The following KCNN2 variants were observed in gnomAD, a reference collection of about 807,000 sequenced individuals.
KCNN2 encodes potassium calcium-activated channel subfamily N member 2, also known as small conductance calcium-activated potassium channel protein 2.
Under a neutral mutation model 55.5 loss-of-function variants are expected in KCNN2, and 24 were observed. The ratio of observed to expected loss-of-function variants is 0.43; its 90% CI spans 0.31 to 0.61. KCNN2 has a LOEUF of 0.61. Among genes scored for constraint, KCNN2 ranks in the 20% least tolerant of loss-of-function variants. The pLI is 0.08. For missense variants in KCNN2, 754 were observed against 853.6 expected (o/e 0.88, Z 1.45); for synonymous variants, 431 against 336.1 (o/e 1.28, Z -3.09).
intron 2 of KCNN2, among the ~76,000 whole-genome samples, chr5:114,227,308 T>C (rs1372464117): frequency 6.6e-6 from 1 of 152,174 alleles, no homozygotes; most frequent in African/African-American, 2.4e-5. Flanking sequence ...CTACTAAAAA[T>C]ATAACCTGTC....
Position 114,281,904 on chromosome 5 carries a change from G to A in KCNN2, c.-185+60339G>A, listed in dbSNP as rs188651050. Among the ~76,000 whole-genome samples the A allele has an allele frequency of 7.9e-5, 12 of 151,398 alleles. No homozygotes were observed. In the East Asian group the frequency reaches 1.9e-3, roughly 25 times the overall value. On this transcript the variant is annotated intron_variant, in intron 2 of 10. Transcript: ENST00000512097. ...GTCTATTAATATTTCATATTTCTTTGTAAATACTTAAATTTAAATATTTTT... is the reference window on the plus strand; with the variant it reads ...GTCTATTAATATTTCATATTTCTTTATAAATACTTAAATTTAAATATTTTT...
intron 2 of KCNN2, among the ~76,000 whole-genome samples, chr5:114,290,008 C>T (rs1273114597): frequency 6.6e-6 from 1 of 152,070 alleles, no homozygotes; most frequent in Admixed American, 6.6e-5. Flanking sequence ...GTGTTTTGCT[C>T]TTGTACCCTG....
At chr5:114,149,019 T>G (rs1232635936) in intron 1 of KCNN2, among the ~76,000 whole-genome samples, 1 of 152,108 alleles carries the variant, frequency 6.6e-6, no homozygotes, top group Non-Finnish European at 1.5e-5. Context: ...TGGTGCCAAC[T>G]CTATCCCAGT....
At chr5:114,178,202 A>G (rs1247097234) in intron 1 of KCNN2, among the ~76,000 whole-genome samples, 1 of 152,192 alleles carries the variant, frequency 6.6e-6, no homozygotes, top group Non-Finnish European at 1.5e-5. Flanking sequence ...TTCCCACTGC[A>G]TGTGTATTCT....
intron 1 of KCNN2, among the ~76,000 whole-genome samples, chr5:114,206,693 C>T (rs1392983162): frequency 6.6e-6 from 1 of 152,052 alleles, no homozygotes; most frequent in Non-Finnish European, 1.5e-5. Flanking sequence ...TCATCATCCA[C>T]ACAGTCAGAG....
Position 114,376,208 on chromosome 5 carries a change from A to G in KCNN2, c.1218+12207A>G, listed in dbSNP as rs577361993. Among the ~76,000 whole-genome samples, 12 of 152,182 alleles carry G rather than the reference A, an allele frequency of 7.9e-5. No homozygotes were observed. In the South Asian group the frequency reaches 1.7e-3, roughly 21 times the overall value. Reference sequence around the variant, plus strand: ...TTGCTTCAGTGGCAGCTATTTAGGAATAATGTATCCATCAAATGTGTCTTA... The same window carrying G: ...TTGCTTCAGTGGCAGCTATTTAGGAGTAATGTATCCATCAAATGTGTCTTA... On this transcript the variant is annotated intron_variant, in intron 2 of 7. Coordinates refer to ENST00000673685, the MANE Select transcript of KCNN2 (RefSeq NM_021614.4).
rs1752098886 is a variant in KCNN2 at position 114,132,893 on chromosome 5, A to C, written c.-271+76393A>C. Among the ~76,000 whole-genome samples, 3 of 152,220 alleles carry C rather than the reference A, an allele frequency of 2.0e-5. No individual in the cohort carries two copies. The South Asian group carries it at 6.2e-4, about 32-fold the overall frequency. ...AACTGCAGAAGGTCAGACTTAGTTA[A>C]TTTATGATCAAACTATTGTAAAAGA... On this transcript the variant is annotated intron_variant, in intron 1 of 10. Transcript: ENST00000512097.
intron 3 of KCNN2, among the ~76,000 whole-genome samples, chr5:114,459,149 T>C (rs890091865): frequency 2.6e-5 from 4 of 152,240 alleles, no homozygotes; most frequent in African/African-American, 9.6e-5. Context: ...AGGAACAGTT[T>C]GCTTCTTTTA....
intron 3 of KCNN2, among the ~76,000 whole-genome samples, chr5:114,406,142 C>A: frequency 6.6e-6 from 1 of 151,010 alleles, no homozygotes; most frequent in East Asian, 1.9e-4. Flanking sequence ...GACCACCCCC[C>A]AGCCCATTCC....
At chr5:114,432,730 G>C (rs1171948257) in intron 3 of KCNN2, among the ~76,000 whole-genome samples, 2 of 152,214 alleles carry the variant, frequency 1.3e-5, no homozygotes, top group African/African-American at 2.4e-5. Context: ...TTGTGGGCCA[G>C]CTGGAGTTCC....
chr5:114,301,835 T>G (rs1452832917), intron 2 of KCNN2, among the ~76,000 whole-genome samples: 1 of 152,202 alleles, frequency 6.6e-6, no homozygotes, highest in African/African-American at 2.4e-5. Flanking sequence ...CATTTGCTTA[T>G]TTGACTAAAG....
At chr5:114,376,174 G>A (rs1757934507) in intron 2 of KCNN2, among the ~76,000 whole-genome samples, 2 of 151,954 alleles carry the variant, frequency 1.3e-5, no homozygotes, top group South Asian at 2.1e-4. Context: ...CTGATGCTGT[G>A]TGTACAGATT....
chr5:114,226,917 A>G (rs988148338), intron 2 of KCNN2, among the ~76,000 whole-genome samples: 3 of 151,910 alleles, frequency 2.0e-5, no homozygotes, highest in African/African-American at 7.3e-5. Context: ...AAAAAAAAAA[A>G]AAAAGAAATA....
At position 114,493,452 on chromosome 5, in the gene KCNN2, A is replaced by C; in HGVS notation, c.2068A>C (p.Thr690Pro). 1 of 1,610,658 alleles carries C rather than the reference A, an allele frequency of 6.2e-7. No individual in the cohort carries two copies. Among genetic ancestry groups the C allele is most frequent in the Non-Finnish European group, 8.5e-7 (1 of 1,176,962 alleles). ...EQRKLNDQAN[T>P]LVDLAKTQNI... ...GAGGAAACTGAATGACCAAGCAAACACTTTGGTGGACTTGGCAAAGGTAAG... is the reference window on the plus strand; with the variant it reads ...GAGGAAACTGAATGACCAAGCAAACCCTTTGGTGGACTTGGCAAAGGTAAG... Residue 690 changes from threonine to proline, a missense_variant, in exon 7 of 8, where the codon ACT becomes CCT. By Grantham distance (38) the Thr-to-Pro change is conservative. Around this residue, in one of 4 missense-constraint regions of KCNN2, gnomAD observed 164 missense variants for 156.6 expected, o/e 1.05. Transcript: ENST00000673685.
intron 2 of KCNN2, among the ~76,000 whole-genome samples, chr5:114,384,820 C>T (rs1448240421): frequency 6.6e-6 from 1 of 152,070 alleles, no homozygotes; most frequent in African/African-American, 2.4e-5. Context: ...ATCCAGTCTG[C>T]CATGACTGGA....
intron 3 of KCNN2, among the ~76,000 whole-genome samples, chr5:114,423,674 G>T (rs1289188043): frequency 6.6e-6 from 1 of 152,178 alleles, no homozygotes; most frequent in African/African-American, 2.4e-5. Flanking sequence ...TGTTTGCCCT[G>T]TAGGAGCTTA....
At chr5:114,078,965 A>G (rs2112537353) in intron 1 of KCNN2, among the ~76,000 whole-genome samples, 1 of 152,306 alleles carries the variant, frequency 6.6e-6, no homozygotes, top group South Asian at 2.1e-4. Flanking sequence ...TATCAACCAT[A>G]TTCAGTTGGA....
chr5:114,450,777 T>C (rs1312594401), intron 3 of KCNN2, among the ~76,000 whole-genome samples: 2 of 152,196 alleles, frequency 1.3e-5, no homozygotes, highest in Non-Finnish European at 2.9e-5. Context: ...TGTTGCTGCC[T>C]TGGGCCAGGG....
intron 2 of KCNN2, among the ~76,000 whole-genome samples, chr5:114,384,983 T>C (rs1408386852): frequency 6.6e-6 from 1 of 152,232 alleles, no homozygotes; most frequent in Admixed American, 6.5e-5. Context: ...TTTTTCTACA[T>C]GTACAGATCT....
Sources: allele counts gnomAD v4.1 joint callset (sites outside exome capture counted in the v4.1 genomes callset), GRCh38; gene constraint gnomAD v4.1.1; regional missense constraint gnomAD v4.1.1; transcripts MANE v1.5; gene names NCBI Gene and HGNC (gene_info 2026-07-23, HGNC 2026-07-21).